Variants in RANBP2 observed in about 807,000 individuals in gnomAD.
The protein encoded by RANBP2 is E3 SUMO-protein ligase RanBP2.
In RANBP2, 57 loss-of-function variants were observed where a neutral mutation model predicts 303.6. That is an observed-to-expected ratio of 0.19 (90% CI 0.15 to 0.23). The LOEUF (loss-of-function observed/expected upper bound fraction) is 0.23. Among genes scored for constraint, RANBP2 ranks in the 10% least tolerant of loss-of-function variants. The pLI is 1.00. For synonymous variants in RANBP2, 1,167 were observed against 1,301.5 expected, an observed-to-expected ratio of 0.90 and a Z score of 2.23; for missense variants, 3,138 against 3,780.8, an observed-to-expected ratio of 0.83 and a Z score of 4.46.
the RANBP2 span, chr2:109,617,319 A>G: frequency 1.2e-5 from 2 of 167,090 alleles, no homozygotes; most frequent in African/African-American, 4.8e-5. Flanking sequence ...GACTATTTCT[A>G]TATTTAAATG....
At chr2:109,048,301 C>T in the RANBP2 span, among the ~76,000 whole-genome samples, 1 of 152,236 alleles carries the variant, frequency 6.6e-6, no homozygotes, top group South Asian at 2.1e-4. Context: ...AAATATTAGC[C>T]TCAGACTCTC....
downstream of RANBP2, chr2:108,786,847 C>G (rs753845410): frequency 6.3e-7 from 1 of 1,593,172 alleles, no homozygotes; most frequent in East Asian, 2.3e-5. Context: ...CGTCAAGCCA[C>G]CGGGGCAGGA....
At chr2:108,924,597 T>C in the RANBP2 span, among the ~76,000 whole-genome samples, 4 of 152,224 alleles carry the variant, frequency 2.6e-5, no homozygotes, top group African/African-American at 9.7e-5. Context: ...ACGGTAGTGC[T>C]AAGCAGCAGC....
At chr2:109,249,508 T>C in the RANBP2 span, among the ~76,000 whole-genome samples, 1 of 53,546 alleles carries the variant, frequency 1.9e-5, no homozygotes, top group African/African-American at 7.4e-5. Context: ...TTTCTTTCTT[T>C]CATTCTTTCT....
chr2:108,907,648 C>G, the RANBP2 span, among the ~76,000 whole-genome samples: 39 of 28,246 alleles, frequency 1.4e-3, 1 homozygote, highest in Admixed American at 0.017. Flanking sequence ...ACTCTCATCT[C>G]CAAAAAAAAA....
the RANBP2 span, among the ~76,000 whole-genome samples, chr2:109,083,024 C>T: frequency 1.4e-4 from 21 of 152,018 alleles, no homozygotes; most frequent in Non-Finnish European, 2.4e-4. Flanking sequence ...GACGGGGTTT[C>T]GCTATGTTAG....
the RANBP2 span, among the ~76,000 whole-genome samples, chr2:109,376,597 AC>A: frequency 6.6e-6 from 1 of 152,242 alleles, no homozygotes; most frequent in Non-Finnish European, 1.5e-5. Flanking sequence ...CACATTGACA[AC>A]ATCGGTTGTC....
At chr2:108,867,354 G>T in the RANBP2 span, among the ~76,000 whole-genome samples, 1 of 152,094 alleles carries the variant, frequency 6.6e-6, no homozygotes, top group South Asian at 2.1e-4. Context: ...AATTGAAAAA[G>T]CAAGCTAGAA....
chr2:109,269,237 C>T, the RANBP2 span, among the ~76,000 whole-genome samples: 6 of 152,102 alleles, frequency 3.9e-5, no homozygotes, highest in African/African-American at 1.4e-4. Context: ...AGCCAGATTC[C>T]CAAGTTCTCA....
At chr2:108,748,076 C>G (rs535308598) in intron 8 of RANBP2, among the ~76,000 whole-genome samples, 9 of 152,232 alleles carry the variant, frequency 5.9e-5, no homozygotes, top group Admixed American at 1.3e-4. Context: ...TGGCTTCTTT[C>G]ATTTAGCAAG....
the RANBP2 span, among the ~76,000 whole-genome samples, chr2:109,686,575 C>T: frequency 1.2e-4 from 18 of 152,184 alleles, no homozygotes; most frequent in African/African-American, 3.9e-4. Flanking sequence ...GGCCTCCCAA[C>T]GTGCTGGGAT....
the RANBP2 span, among the ~76,000 whole-genome samples, chr2:109,458,601 A>AGAGAGAGAGAGAGAGAGAG: frequency 4.1e-4 from 61 of 148,888 alleles, no homozygotes; most frequent in East Asian, 1.2e-3. Context: ...AGAGAGAGAG[A>AGAGAGAGAGAGAGAGAGAG]ATTTATTTAT....
At chr2:108,721,036 G>A (rs1183406778) in intron 1 of RANBP2, among the ~76,000 whole-genome samples, 1 of 152,068 alleles carries the variant, frequency 6.6e-6, no homozygotes, top group Non-Finnish European at 1.5e-5. Flanking sequence ...GCGACAGAGG[G>A]AGACTCCAAA....
chr2:109,102,593 A>C, the RANBP2 span, among the ~76,000 whole-genome samples: 1 of 152,304 alleles, frequency 6.6e-6, no homozygotes, highest in Non-Finnish European at 1.5e-5. Flanking sequence ...CTCCCTTGAC[A>C]TAACTCTTCG....
chr2:109,616,034 C>T, the RANBP2 span: 24 of 1,516,118 alleles, frequency 1.6e-5, no homozygotes, highest in Non-Finnish European at 2.0e-5. Context: ...ACTCGCCCTT[C>T]ACATTGAGAC....
chr2:109,291,732 C>T, the RANBP2 span, among the ~76,000 whole-genome samples: 11 of 152,192 alleles, frequency 7.2e-5, no homozygotes, highest in Non-Finnish European at 1.2e-4. Flanking sequence ...CAGGCTTATC[C>T]GCAGGTTTCA....
the RANBP2 span, among the ~76,000 whole-genome samples, chr2:109,437,413 C>T: frequency 1.3e-5 from 2 of 151,842 alleles, no homozygotes; most frequent in Non-Finnish European, 1.5e-5. Flanking sequence ...AGTTCACTTG[C>T]CTTATCATGT....
chr2:109,297,251 ATCG>A, the RANBP2 span, among the ~76,000 whole-genome samples: 92 of 152,222 alleles, frequency 6.0e-4, no homozygotes, highest in African/African-American at 2.2e-3. Context: ...CATCATCATC[ATCG>A]TCATCACTGT....
the RANBP2 span, among the ~76,000 whole-genome samples, chr2:109,637,245 G>A: frequency 1.6e-4 from 24 of 152,106 alleles, 1 homozygote; most frequent in Non-Finnish European, 2.9e-5. Context: ...AACATGTCTC[G>A]CCTCCCACCA....
Sources: gnomAD v4.1 joint callset for allele counts (sites outside exome capture counted in the v4.1 genomes callset) on GRCh38, gnomAD v4.1.1 for gene constraint, MANE v1.5 for transcripts, NCBI Gene and HGNC (gene_info 2026-07-23, HGNC 2026-07-21) for gene names.